EVA1C: variants seen among roughly 807,000 people sequenced by gnomAD.
EVA1C encodes the protein protein eva-1 homolog C.
EVA1C carries 25 observed loss-of-function variants against 45.4 expected under a neutral mutation model. That is an observed-to-expected ratio of 0.55 (90% CI 0.40 to 0.77). The LOEUF is 0.77. EVA1C is among the 30% of genes least tolerant of loss of function. EVA1C has a pLI of 0.00. For missense variants in EVA1C, 479 were observed against 554.8 expected (o/e 0.86, Z 1.37); for synonymous variants, 190 against 221.2 (o/e 0.86, Z 1.25).
intron 3 of EVA1C, among the ~76,000 whole-genome samples, chr21:32,465,174 C>G (rs1015889945): frequency 6.6e-6 from 1 of 152,218 alleles, no homozygotes; most frequent in African/African-American, 2.4e-5. Flanking sequence ...CTGGTTACAA[C>G]TCACTAATGA....
At chr21:32,463,007 C>A (rs2036054777) in intron 3 of EVA1C, among the ~76,000 whole-genome samples, 2 of 152,152 alleles carry the variant, frequency 1.3e-5, no homozygotes, top group Admixed American at 6.5e-5. Context: ...GTCTTTAATT[C>A]TTCTAGCGCC....
chr21:32,415,613 CG>C (rs1275578082), intron 1 of EVA1C, among the ~76,000 whole-genome samples: 1 of 151,912 alleles, frequency 6.6e-6, no homozygotes, highest in African/African-American at 2.4e-5. Context: ...ATTCCAGCAT[CG>C]ATCTCACTCT....
At chr21:32,472,614 CCA>C (rs1009592142) in intron 4 of EVA1C, among the ~76,000 whole-genome samples, 5 of 151,542 alleles carry the variant, frequency 3.3e-5, no homozygotes, top group Admixed American at 2.6e-4. Flanking sequence ...CCAGCCTGGG[CCA>C]CAGAGAAAGA....
At chr21:32,478,722 G>A (rs550512756) in intron 4 of EVA1C, among the ~76,000 whole-genome samples, 1 of 152,372 alleles carries the variant, frequency 6.6e-6, no homozygotes, top group South Asian at 2.1e-4. Context: ...CGAAGGCTGG[G>A]CCTGAGGCCG....
rs1211044744 is a variant in EVA1C at position 32,488,732 on chromosome 21, CACG to C, written c.635-6294_635-6292del. On this transcript the variant is annotated intron_variant, in intron 4 of 7. Coordinates refer to ENST00000300255, the MANE Select transcript of EVA1C (RefSeq NM_058187.5). ...TCCCTAGTAGCTGGGATTACAGGCA[CACG>C]CCACCACACCTGGCTAATATTTGTG... 5.3e-5 allele frequency among the ~76,000 whole-genome samples: 8 copies of C among 152,172 alleles called. No homozygotes were observed. In the East Asian group the frequency reaches 9.7e-4, roughly 18 times the overall value.
At chr21:32,475,850 A>G (rs2036535484) in intron 4 of EVA1C, among the ~76,000 whole-genome samples, 1 of 152,006 alleles carries the variant, frequency 6.6e-6, no homozygotes, top group African/African-American at 2.4e-5. Flanking sequence ...GTATGTTTAC[A>G]GTTCTTCACA....
chr21:32,515,168 G>A lies in EVA1C; in HGVS notation c.1304G>A (p.Arg435Lys). 1 of 1,594,856 alleles carries A rather than the reference G, an allele frequency of 6.3e-7. No individual in the cohort carries two copies. The highest frequency in any genetic ancestry group is 1.3e-5 in the African/African-American group (1 of 74,570). The change falls in exon 8 of 8, where the codon AGA (arginine) becomes AAA (lysine). Residue 435 changes from arginine to lysine, a missense_variant. Physicochemically the swap from Arg to Lys is conservative, Grantham distance 26. This residue lies in a region of EVA1C where 366 missense variants were observed against 426.1 expected (regional missense o/e 0.86). Transcript: ENST00000300255. ...AGTGGTTTGGACACCTCGCTCCCAA[G>A]AAACATGGGCCAGTTCTACTGAAAA... ...MNSGLDTSLPRNMGQFY is the reference protein window; with the variant it reads ...MNSGLDTSLPKNMGQFY
upstream of EVA1C, among the ~76,000 whole-genome samples, chr21:32,411,847 T>A (rs995372862): frequency 6.6e-6 from 1 of 152,194 alleles, no homozygotes; most frequent in South Asian, 2.1e-4. Flanking sequence ...CGCGCACTTG[T>A]CCTCGATACC....
chr21:32,413,248 C>G (rs1167849913), intron 1 of EVA1C, among the ~76,000 whole-genome samples: 1 of 152,262 alleles, frequency 6.6e-6, no homozygotes, highest in Non-Finnish European at 1.5e-5. Flanking sequence ...GTTTCTCGCC[C>G]TGCTGTTGAC....
chr21:32,480,771 T>C (rs1601384050), intron 4 of EVA1C, among the ~76,000 whole-genome samples: 1 of 152,206 alleles, frequency 6.6e-6, no homozygotes, highest in East Asian at 1.9e-4. Context: ...GAGACCAGCC[T>C]GGCTAACATG....
chr21:32,507,562 TTG>T (rs748493659), intron 7 of EVA1C, among the ~76,000 whole-genome samples: 8 of 137,880 alleles, frequency 5.8e-5, no homozygotes, highest in Non-Finnish European at 1.1e-4. Flanking sequence ...ATGCGTGTTT[TTG>T]TGTGTGCATG....
At position 32,467,703 on chromosome 21, in the gene EVA1C, A is replaced by G; in HGVS notation, c.489A>G (p.Leu163=). 1.9e-6 allele frequency: 3 copies of G among 1,602,566 alleles called. No individual in the cohort carries two copies. The highest frequency in any genetic ancestry group is 2.6e-6 in the Non-Finnish European group (3 of 1,176,062). Residue 163 remains leucine, a synonymous_variant, in exon 4 of 8, where the codon TTA becomes TTG. Transcript: ENST00000300255. The stretch of plus-strand genomic sequence containing the variant: ...TTTTTGTTTTTGCTTCAGATGAATT[A>G]AAAAACAAAACCGTGTGTGAAGACC... The part of the protein sequence containing the change: ...LVSFKCQPNE[L]KNKTVCEDQE...
intron 1 of EVA1C, among the ~76,000 whole-genome samples, chr21:32,439,996 C>T (rs1160982055): frequency 2.0e-5 from 3 of 152,108 alleles, no homozygotes; most frequent in Non-Finnish European, 4.4e-5. Flanking sequence ...GATCATCCTA[C>T]ACATCCTCAA....
Position 32,491,905 on chromosome 21 carries a change from C to T in EVA1C, c.635-3122C>T, listed in dbSNP as rs924802031. Reference sequence around the variant, plus strand: ...ACAATCATTGCACATGGCGGAGTGCCGGAGTGGCCAGCGCTGAAGGCAGAG... The same window carrying T: ...ACAATCATTGCACATGGCGGAGTGCTGGAGTGGCCAGCGCTGAAGGCAGAG... On this transcript the variant is annotated intron_variant, in intron 4 of 7. Transcript: ENST00000300255. Among the ~76,000 whole-genome samples the T allele has an allele frequency of 2.6e-5, 4 of 151,800 alleles. 1 individual carries two copies. Among genetic ancestry groups the T allele is most frequent in the African/African-American group, 7.3e-5 (3 of 41,312 alleles).
At chr21:32,484,148 C>G (rs2036889560) in intron 4 of EVA1C, among the ~76,000 whole-genome samples, 1 of 152,178 alleles carries the variant, frequency 6.6e-6, no homozygotes, top group African/African-American at 2.4e-5. Context: ...TTCCTACTTT[C>G]CTCTACCTGC....
rs535441011 is a variant in EVA1C, at chr21:32,432,341, G to A, written c.160+19328G>A. Reference sequence around the variant, plus strand: ...TGCTCTGATTAACTGATCATCTTCCGTAGCCATTTATCTAACAAGGCTGTA... The same window carrying A: ...TGCTCTGATTAACTGATCATCTTCCATAGCCATTTATCTAACAAGGCTGTA... On this transcript the variant is annotated intron_variant, in intron 1 of 7. Transcript: ENST00000300255. 1.2e-4 allele frequency among the ~76,000 whole-genome samples: 19 copies of A among 152,198 alleles called. No homozygotes were observed. The South Asian group carries it at 1.7e-3, about 13-fold the overall frequency.
At chr21:32,418,074 T>C (rs1032577298) in intron 1 of EVA1C, among the ~76,000 whole-genome samples, 5 of 152,098 alleles carry the variant, frequency 3.3e-5, no homozygotes, top group African/African-American at 1.2e-4. Context: ...CAGGACTGTA[T>C]TTCCCCAGCA....
intron 4 of EVA1C, among the ~76,000 whole-genome samples, chr21:32,488,679 C>T (rs781024260): frequency 3.9e-5 from 6 of 151,902 alleles, no homozygotes; most frequent in South Asian, 2.1e-4. Context: ...TCCGCCTCCC[C>T]GGTTCAAGCA....
At chr21:32,440,610 A>AC (rs1280152169) in intron 1 of EVA1C, among the ~76,000 whole-genome samples, 2 of 151,956 alleles carry the variant, frequency 1.3e-5, no homozygotes, top group Non-Finnish European at 2.9e-5. Flanking sequence ...ACAGATGTCA[A>AC]CCAATTAACT....
Sources: gnomAD v4.1 joint callset for allele counts (sites outside exome capture counted in the v4.1 genomes callset) on GRCh38, gnomAD v4.1.1 for gene constraint, gnomAD v4.1.1 regional missense constraint, MANE v1.5 for transcripts, NCBI Gene and HGNC (gene_info 2026-07-23, HGNC 2026-07-21) for gene names.